WNK1: variants seen among roughly 807,000 people sequenced by gnomAD.
The protein encoded by WNK1 is serine/threonine-protein kinase WNK1.
WNK1 carries 38 observed loss-of-function variants against 222.8 expected under a neutral mutation model. The ratio of observed to expected loss-of-function variants is 0.17; its 90% CI spans 0.13 to 0.22. The LOEUF is 0.22. Among genes scored for constraint, WNK1 ranks in the 10% least tolerant of loss-of-function variants. The probability of loss-of-function intolerance (pLI) is 1.00; values close to 1 mark genes in which losing one functional copy is unlikely to be tolerated. For missense variants in WNK1, 2,348 were observed against 2,918.4 expected (o/e 0.80, Z 4.50); for synonymous variants, 1,090 against 1,092.9 (o/e 1.00, Z 0.05).
At chr12:790,387 A>T (rs1392689765) in intron 1 of WNK1, among the ~76,000 whole-genome samples, 9 of 152,158 alleles carry the variant, frequency 5.9e-5, no homozygotes, top group African/African-American at 1.9e-4. Flanking sequence ...TACAGGCATG[A>T]GTCACCGTGC....
chr12:767,960 A>G (rs1252282686), intron 1 of WNK1, among the ~76,000 whole-genome samples: 1 of 152,110 alleles, frequency 6.6e-6, no homozygotes, highest in Non-Finnish European at 1.5e-5. Flanking sequence ...GCTCCTTTCT[A>G]CCTAGACATG....
chr12:832,015 C>T (rs1367098617), intron 4 of WNK1, among the ~76,000 whole-genome samples: 3 of 151,182 alleles, frequency 2.0e-5, no homozygotes, highest in Non-Finnish European at 2.9e-5. Flanking sequence ...ATGTAATTAT[C>T]AATTGCTTAT....
intron 9 of WNK1, among the ~76,000 whole-genome samples, chr12:877,569 C>G (rs969182818): frequency 1.3e-5 from 2 of 152,124 alleles, no homozygotes; most frequent in Non-Finnish European, 2.9e-5. Flanking sequence ...GTGTCATTCC[C>G]TTTGCCCCAC....
chr12:881,350 G>A, intron 12 of WNK1: 1 of 443,338 alleles, frequency 2.3e-6, no homozygotes, highest in East Asian at 4.8e-5. Context: ...TTTTTGCCCT[G>A]CTAGGAGAAG....
intron 1 of WNK1, among the ~76,000 whole-genome samples, chr12:809,250 T>TTC (rs1555103434): frequency 1.3e-5 from 2 of 150,096 alleles, no homozygotes; most frequent in African/African-American, 4.9e-5. Context: ...AAAATTTTTT[T>TTC]TTTTTTTGGT....
intron 6 of WNK1, 35 bp from the exon 7 acceptor site, chr12:860,978 T>C: frequency 1.3e-6 from 2 of 1,597,572 alleles, no homozygotes; most frequent in Non-Finnish European, 1.7e-6. Context: ...TTTCTTTCAA[T>C]ATACTACTGC....
intron 8 of WNK1, chr12:868,280 G>A (rs765815935): frequency 1.1e-5 from 18 of 1,603,986 alleles, no homozygotes; most frequent in African/African-American, 1.3e-5. Context: ...AGCAGTGTAT[G>A]TAGCTGGGGT....
At chr12:778,637 CTTTTTT>C (rs397849845) in intron 1 of WNK1, among the ~76,000 whole-genome samples, 1 of 136,590 alleles carries the variant, frequency 7.3e-6, no homozygotes, top group Non-Finnish European at 1.6e-5. Flanking sequence ...GGCCAATGAT[CTTTTTT>C]TTTTTTTTTT....
At chr12:811,992 A>T (rs888721937) in intron 1 of WNK1, among the ~76,000 whole-genome samples, 1 of 152,242 alleles carries the variant, frequency 6.6e-6, no homozygotes, top group Non-Finnish European at 1.5e-5. Flanking sequence ...AAATATTTCT[A>T]TGGAATTTTT....
At position 890,481 on chromosome 12, in the gene WNK1, T is replaced by A; in HGVS notation, c.5477T>A (p.Ile1826Asn). 2 of 1,614,096 alleles carry A rather than the reference T, an allele frequency of 1.2e-6. No homozygotes were observed. The highest frequency in any genetic ancestry group is 2.2e-5 in the South Asian group (2 of 91,082). Residue 1826 changes from isoleucine to asparagine, a missense_variant, in exon 22 of 28, where the codon ATC becomes AAC. By Grantham distance (149) the Ile-to-Asn change is moderately radical. Transcript: ENST00000315939. The part of the protein sequence containing the change: ...GPVSMAAPTA[I>N]TEAGTQPQKG... Reference sequence around the variant, plus strand: ...GTGTCCATGGCGGCTCCAACAGCAATCACAGAAGCAGGAACACAGCCTCAG... The same window carrying A: ...GTGTCCATGGCGGCTCCAACAGCAAACACAGAAGCAGGAACACAGCCTCAG...
chr12:882,043 A>G lies in WNK1; in HGVS notation c.3342A>G (p.Lys1114=). The change falls in exon 14 of 28, where the codon AAA becomes AAG. Residue 1114 remains lysine (K), a synonymous_variant. Transcript: ENST00000315939. ...TAAGGAGTCGCTCTCGACATGAAAAAACTTCACGCCCAAAATTAAGAATTT... is the reference window on the plus strand; with the variant it reads ...TAAGGAGTCGCTCTCGACATGAAAAGACTTCACGCCCAAAATTAAGAATTT... ...KSVRSRSRHE[K]TSRPKLRILN... The G allele has an allele frequency of 1.2e-6, 2 of 1,613,786 alleles. No homozygotes were observed. The highest frequency in any genetic ancestry group is 1.7e-6 in the Non-Finnish European group (2 of 1,179,874).
chr12:890,895 A>T (rs942563204), intron 22 of WNK1, among the ~76,000 whole-genome samples: 2 of 152,226 alleles, frequency 1.3e-5, no homozygotes, highest in Admixed American at 6.5e-5. Flanking sequence ...ATACAAATGT[A>T]AGATTTCAGT....
chr12:886,064 C>A lies in WNK1; in HGVS notation c.5260C>A (p.Pro1754Thr). The A allele has an allele frequency of 6.2e-7, 1 of 1,606,396 alleles. No homozygotes were observed. Among genetic ancestry groups the A allele is most frequent in the Non-Finnish European group, 8.5e-7 (1 of 1,177,932 alleles). ...GAAACCTGGAACTGCTCCCTCCAAG[C>A]CACCTCTAACTAAGGCTCCGGTAAA... The part of the protein sequence containing the change: ...GVKPGTAPSK[P>T]PLTKAPVLPV... The change falls in exon 19 of 28, where the codon CCA (proline) becomes ACA (threonine). Residue 1754 changes from proline (P) to threonine (T), a missense_variant. Pro to Thr is a conservative substitution (Grantham distance 38, BLOSUM62 -1). Around this residue, in one of 13 missense-constraint regions of WNK1, gnomAD observed 1,144 missense variants for 1,273.6 expected, o/e 0.90. Transcript: ENST00000315939.
rs1424059709 is a variant in WNK1, at chr12:881,593, G to A, written c.3112-99G>A. On this transcript the variant is annotated intron_variant, in intron 12 of 27. Coordinates refer to ENST00000315939, the MANE Select transcript of WNK1 (RefSeq NM_018979.4). The stretch of plus-strand genomic sequence containing the variant: ...CTAGTAAATTTAGTGCTTCTAGGAC[G>A]TAGTGGGGAGGGATAAGGAAAAAAA... 38 of 908,178 alleles carry A rather than the reference G, an allele frequency of 4.2e-5. 1 individual carries two copies. Among genetic ancestry groups the A allele is most frequent in the Admixed American group, 1.1e-4 (6 of 54,762 alleles). 56.3% of individuals were successfully genotyped at this position (908,178 alleles called of 1,614,324 possible).
At chr12:878,047 G>T in intron 9 of WNK1, 165 bp from the exon 10 acceptor site, 1 of 866,578 alleles carries the variant, frequency 1.2e-6, no homozygotes. Context: ...ACATCAGAGG[G>T]AAAACAAATA....
chr12:866,208 T>C (rs1474074367), intron 8 of WNK1, among the ~76,000 whole-genome samples: 1 of 152,190 alleles, frequency 6.6e-6, no homozygotes, highest in Non-Finnish European at 1.5e-5. Flanking sequence ...AACAATAAAA[T>C]GAGCATTCTG....
chr12:878,105 A>G, intron 9 of WNK1, 107 bp from the exon 10 acceptor site: 1 of 1,437,698 alleles, frequency 7.0e-7, no homozygotes, highest in South Asian at 1.2e-5. Flanking sequence ...TTGATTACTA[A>G]AATCATCATT....
At chr12:840,066 C>T (rs537889102) in intron 4 of WNK1, among the ~76,000 whole-genome samples, 3 of 151,824 alleles carry the variant, frequency 2.0e-5, no homozygotes, top group Non-Finnish European at 4.4e-5. Flanking sequence ...AACTATGCTT[C>T]TTGGCCAAAT....
intron 4 of WNK1, among the ~76,000 whole-genome samples, chr12:837,586 A>C (rs1461800683): frequency 3.5e-5 from 5 of 140,880 alleles, no homozygotes; most frequent in Admixed American, 1.5e-4. Context: ...AAAAAAAAAA[A>C]AAAAAAGAAA....
Sources: allele counts gnomAD v4.1 joint callset (sites outside exome capture counted in the v4.1 genomes callset), GRCh38; gene constraint gnomAD v4.1.1; regional missense constraint gnomAD v4.1.1; transcripts MANE v1.5; gene names NCBI Gene and HGNC (gene_info 2026-07-23, HGNC 2026-07-21).